SYN3: variants seen among roughly 807,000 people sequenced by gnomAD.
The protein encoded by SYN3 is synapsin III.
A neutral mutation model predicts 65.8 loss-of-function variants in SYN3; 35 were observed. The observed-to-expected ratio is 0.53, with a 90% CI of 0.41 to 0.70. The LOEUF (loss-of-function observed/expected upper bound fraction) is 0.70, where lower values mean the gene tolerates loss of function less well. Among genes scored for constraint, SYN3 ranks in the 30% least tolerant of loss-of-function variants. The pLI is 0.00. For synonymous variants in SYN3, 270 were observed against 292.9 expected, an observed-to-expected ratio of 0.92 and a Z score of 0.80; for missense variants, 680 against 749.0, an observed-to-expected ratio of 0.91 and a Z score of 1.08.
chr22:32,588,731 C>T (rs1311469434), intron 7 of SYN3, among the ~76,000 whole-genome samples: 3 of 152,162 alleles, frequency 2.0e-5, no homozygotes, highest in Non-Finnish European at 4.4e-5. Context: ...AAACCAGGAA[C>T]CTTGACTCCA....
intron 11 of SYN3, 83 bp from the exon 12 acceptor site, chr22:32,528,088 T>G: frequency 9.3e-7 from 1 of 1,079,956 alleles, no homozygotes; most frequent in East Asian, 2.6e-5. Context: ...TATGAAGATC[T>G]TTTTATCATT....
intron 6 of SYN3, among the ~76,000 whole-genome samples, chr22:32,765,119 C>T (rs548004839): frequency 1.1e-4 from 17 of 151,958 alleles, no homozygotes; most frequent in African/African-American, 1.9e-4. Context: ...GGTTTGAGAG[C>T]GAGAGAGTGT....
At chr22:32,745,394 C>CG (rs1042801799) in intron 6 of SYN3, among the ~76,000 whole-genome samples, 13 of 152,160 alleles carry the variant, frequency 8.5e-5, no homozygotes, top group Non-Finnish European at 1.8e-4. Flanking sequence ...ACCAGATGTT[C>CG]GGGGGTGGAG....
chr22:32,856,624 A>T (rs2048375089), intron 6 of SYN3, among the ~76,000 whole-genome samples: 1 of 152,214 alleles, frequency 6.6e-6, no homozygotes, highest in South Asian at 2.1e-4. Flanking sequence ...GGTAATTGGG[A>T]TATTCATAAC....
rs529065904 is a variant in SYN3 at position 32,925,104 on chromosome 22, A to C, written c.461+6286T>G. ...GAGACCCTGTCTCAAGGAAAAAAAAAAGCTATTGGCAGAGTTGGTTTTCTT... is the reference window on the plus strand; with the variant it reads ...GAGACCCTGTCTCAAGGAAAAAAAACAGCTATTGGCAGAGTTGGTTTTCTT... On this transcript the variant is annotated intron_variant, in intron 4 of 13. Transcript: ENST00000358763. Among the ~76,000 whole-genome samples, 4 of 152,172 alleles carry C rather than the reference A, an allele frequency of 2.6e-5. No individual in the cohort carries two copies. In the South Asian group the frequency reaches 8.3e-4, roughly 32 times the overall value.
At chr22:32,739,821 C>T (rs1441237068) in intron 6 of SYN3, among the ~76,000 whole-genome samples, 1 of 152,182 alleles carries the variant, frequency 6.6e-6, no homozygotes, top group Non-Finnish European at 1.5e-5. Context: ...TGGATGCCAA[C>T]ATTAGTTTGA....
chr22:32,542,996 C>T (rs182143704), intron 7 of SYN3, among the ~76,000 whole-genome samples: 16 of 152,248 alleles, frequency 1.1e-4, no homozygotes, highest in East Asian at 1.9e-4. Flanking sequence ...GGGTCAGAGA[C>T]GGGCAGAGCC....
intron 6 of SYN3, among the ~76,000 whole-genome samples, chr22:32,722,155 G>T (rs960096848): frequency 6.6e-6 from 1 of 152,124 alleles, no homozygotes; most frequent in Admixed American, 6.5e-5. Flanking sequence ...AGCCATAGAG[G>T]GTTTTAAGCA....
At chr22:32,574,474 A>G (rs757551648) in intron 7 of SYN3, among the ~76,000 whole-genome samples, 5 of 152,072 alleles carry the variant, frequency 3.3e-5, no homozygotes, top group African/African-American at 1.2e-4. Context: ...GACAGACTCC[A>G]TCTCTTTAAA....
intron 3 of SYN3, among the ~76,000 whole-genome samples, chr22:32,961,177 CCT>C (rs1401323464): frequency 2.0e-5 from 3 of 152,126 alleles, no homozygotes; most frequent in East Asian, 1.9e-4. Context: ...GGAGATCTCC[CCT>C]GTTGTGACAA....
intron 5 of SYN3, among the ~76,000 whole-genome samples, chr22:32,866,112 G>C (rs1213016841): frequency 6.6e-6 from 1 of 152,158 alleles, no homozygotes; most frequent in Non-Finnish European, 1.5e-5. Context: ...GAGAGCTGCT[G>C]GTGGATATAA....
At chr22:32,640,666 A>G (rs996259114) in intron 6 of SYN3, among the ~76,000 whole-genome samples, 21 of 152,090 alleles carry the variant, frequency 1.4e-4, no homozygotes, top group South Asian at 4.1e-4. Flanking sequence ...GGAGATCGAG[A>G]CCATCCTGGC....
intron 6 of SYN3, among the ~76,000 whole-genome samples, chr22:32,679,839 C>CTTTTTTTTTTTTTTT (rs747116076): frequency 0.01 from 401 of 39,102 alleles, 28 homozygotes; most frequent in Middle Eastern, 0.11. Flanking sequence ...TGTTTTTTGG[C>CTTTTTTTTTTTTTTT]TTTTTTTTTT....
intron 6 of SYN3, among the ~76,000 whole-genome samples, chr22:32,759,879 C>G: frequency 1.1e-5 from 1 of 88,680 alleles, no homozygotes. Flanking sequence ...CCAGCCAGCA[C>G]CCACCAACCA....
At chr22:32,807,497 T>G (rs1418782945) in intron 6 of SYN3, among the ~76,000 whole-genome samples, 1 of 144,618 alleles carries the variant, frequency 6.9e-6, no homozygotes, top group East Asian at 2.0e-4. Context: ...AAGTATAGAG[T>G]GATTACTATG....
At chr22:33,035,338 C>CCT (rs1556217264) in intron 1 of SYN3, among the ~76,000 whole-genome samples, 2 of 80,982 alleles carry the variant, frequency 2.5e-5, no homozygotes, top group South Asian at 6.3e-4. Context: ...GGACCCCCCC[C>CCT]CCCCCCGCCA....
chr22:33,021,924 G>T (rs1338757874), intron 1 of SYN3, among the ~76,000 whole-genome samples: 2 of 152,104 alleles, frequency 1.3e-5, no homozygotes, highest in Admixed American at 6.6e-5. Context: ...CATAGTAGAG[G>T]TTCAATATAT....
chr22:32,767,148 C>CT (rs1336812134), intron 6 of SYN3, among the ~76,000 whole-genome samples: 15 of 152,206 alleles, frequency 9.9e-5, no homozygotes, highest in Non-Finnish European at 1.9e-4. Context: ...TATTTGTGTA[C>CT]TTTGCACACC....
intron 2 of SYN3, among the ~76,000 whole-genome samples, chr22:33,002,440 G>A (rs190720493): frequency 7.1e-4 from 108 of 152,198 alleles, no homozygotes; most frequent in Non-Finnish European, 1.2e-3. Context: ...TCAGGAGATC[G>A]AGACCCTCCT....
Sources: allele counts gnomAD v4.1 joint callset (sites outside exome capture counted in the v4.1 genomes callset), GRCh38; gene constraint gnomAD v4.1.1; transcripts MANE v1.5; gene names NCBI Gene and HGNC (gene_info 2026-07-23, HGNC 2026-07-21).